The following PAPSS1 variants were observed in gnomAD, a reference collection of about 807,000 sequenced individuals.
PAPSS1 encodes the protein 3'-phosphoadenosine 5'-phosphosulfate synthase 1, also known as bifunctional 3'-phosphoadenosine 5'-phosphosulfate synthase 1.
PAPSS1 carries 50 observed loss-of-function variants against 72.0 expected under a neutral mutation model. The observed-to-expected ratio is 0.69, with a 90% CI of 0.55 to 0.88. The LOEUF (loss-of-function observed/expected upper bound fraction) is 0.88. Among genes scored for constraint, PAPSS1 ranks in the 40% least tolerant of loss-of-function variants. The pLI is 0.00. For missense variants in PAPSS1, 657 were observed against 782.2 expected (o/e 0.84, Z 1.91); for synonymous variants, 261 against 263.6 (o/e 0.99, Z 0.09).
chr4:107,686,575 T>A (rs568512833), intron 4 of PAPSS1, among the ~76,000 whole-genome samples: 1 of 152,290 alleles, frequency 6.6e-6, no homozygotes, highest in South Asian at 2.1e-4. Context: ...TCAATCTAAT[T>A]CAACAATAGT....
At chr4:107,697,457 G>C (rs1723098029) in intron 2 of PAPSS1, among the ~76,000 whole-genome samples, 1 of 152,072 alleles carries the variant, frequency 6.6e-6, no homozygotes, top group African/African-American at 2.4e-5. Context: ...ACCACCAATT[G>C]AGCATCAAGT....
chr4:107,679,765 A>ACC (rs139564079), intron 5 of PAPSS1, among the ~76,000 whole-genome samples: 3 of 150,202 alleles, frequency 2.0e-5, no homozygotes, highest in African/African-American at 7.4e-5. Context: ...TGCAACTTCC[A>ACC]CCCCCCCAGA....
At chr4:107,707,851 T>C (rs999981963) in intron 1 of PAPSS1, among the ~76,000 whole-genome samples, 1 of 152,216 alleles carries the variant, frequency 6.6e-6, no homozygotes. Context: ...CCTCCACCAA[T>C]ACACAGATTT....
rs752198087 is a variant in PAPSS1, at chr4:107,693,783, T to C, written c.399A>G (p.Ser133=). The C allele has an allele frequency of 6.2e-6, 10 of 1,612,088 alleles. No homozygotes were observed. The highest frequency in any genetic ancestry group is 7.6e-6 in the Non-Finnish European group (9 of 1,178,378). Residue 133 remains serine (S), a synonymous_variant, in exon 3 of 12, where the codon TCA becomes TCG. Transcript: ENST00000265174. ...AAAAACCACATACCTGAGTGTAAGG[T>C]GATATGAAACTTGTGATGCACACTA... ...AGLVCITSFI[S]PYTQDRNNAR...
intron 4 of PAPSS1, among the ~76,000 whole-genome samples, chr4:107,682,622 T>G (rs187227760): frequency 5.1e-4 from 78 of 152,342 alleles, no homozygotes; most frequent in African/African-American, 1.7e-3. Context: ...TTTTCTTTCT[T>G]TTTTGTCTTA....
chr4:107,667,837 C>T (rs1348849882), intron 5 of PAPSS1, among the ~76,000 whole-genome samples: 1 of 152,194 alleles, frequency 6.6e-6, no homozygotes, highest in African/African-American at 2.4e-5. Context: ...TCTTATTGCA[C>T]TTACATAGAA....
chr4:107,670,955 T>C (rs1234304913), intron 5 of PAPSS1, among the ~76,000 whole-genome samples: 2 of 152,210 alleles, frequency 1.3e-5, no homozygotes, highest in Non-Finnish European at 2.9e-5. Context: ...GTGAATATTA[T>C]AGGACAGACT....
In PAPSS1 at chr4:107,656,682, C is replaced by A. The variant is rs551292541; in HGVS notation, c.895+214G>T. On this transcript the variant is annotated intron_variant, in intron 7 of 11. Coordinates refer to ENST00000265174, the MANE Select transcript of PAPSS1 (RefSeq NM_005443.5). ...GCCCTGATTCCCAGATTTTCCCTCT[C>A]TCTTTGCAATAAATAAGAGTCAGGA... Among the ~76,000 whole-genome samples, 164 of 152,264 alleles carry A rather than the reference C, an allele frequency of 1.1e-3. 2 individuals are homozygous for A. The highest frequency in any genetic ancestry group is 3.1e-3 in the Admixed American group (47 of 15,284).
At chr4:107,616,677 C>T (rs564544389) in intron 11 of PAPSS1, among the ~76,000 whole-genome samples, 98 of 152,228 alleles carry the variant, frequency 6.4e-4, no homozygotes, top group Non-Finnish European at 1.0e-3. Flanking sequence ...ATTTGTGCTA[C>T]TACTTTGTTT....
At chr4:107,693,640 C>A in intron 3 of PAPSS1, 131 bp downstream of exon 3, 1 of 644,262 alleles carries the variant, frequency 1.6e-6, no homozygotes, top group Non-Finnish European at 2.8e-6. Flanking sequence ...GTTACAGGAA[C>A]AAAGAGATGG....
At chr4:107,659,141 C>T (rs1727098678) in intron 6 of PAPSS1, among the ~76,000 whole-genome samples, 1 of 152,184 alleles carries the variant, frequency 6.6e-6, no homozygotes, top group African/African-American at 2.4e-5. Flanking sequence ...CTGTAGTTCT[C>T]CCTTCTTGTC....
At chr4:107,666,578 C>T (rs1034177044) in intron 5 of PAPSS1, among the ~76,000 whole-genome samples, 6 of 152,078 alleles carry the variant, frequency 3.9e-5, no homozygotes, top group Non-Finnish European at 8.8e-5. Flanking sequence ...TGTAAAGTAC[C>T]CATGGTAACC....
chr4:107,709,833 A>T (rs1201541618), intron 1 of PAPSS1, among the ~76,000 whole-genome samples: 1 of 152,140 alleles, frequency 6.6e-6, no homozygotes, highest in Non-Finnish European at 1.5e-5. Flanking sequence ...TGGCCTCTAA[A>T]TTTTGAGGAA....
At position 107,654,152 on chromosome 4, in the gene PAPSS1, G is replaced by A. The variant is rs143035229; in HGVS notation, c.1102-526C>T. ...CAGCTCCAGCCCTCCTTTTCCCCAT[G>A]AGGCTTTGGCTTATGTGCCAACAAT... On this transcript the variant is annotated intron_variant, in intron 8 of 11. Transcript: ENST00000265174. Among the ~76,000 whole-genome samples, 676 of 152,248 alleles carry A rather than the reference G, an allele frequency of 4.4e-3. 4 individuals are homozygous for A. The highest frequency in any genetic ancestry group is 7.5e-3 in the Non-Finnish European group (507 of 68,016).
chr4:107,701,956 A>T (rs1468432957), intron 1 of PAPSS1, among the ~76,000 whole-genome samples: 1 of 144,124 alleles, frequency 6.9e-6, no homozygotes, highest in Non-Finnish European at 1.5e-5. Context: ...TTATAACTTC[A>T]TGTTCTCCCA....
rs1311000811 is a variant in PAPSS1 at position 107,654,746 on chromosome 4, C to G, written c.1050G>C (p.Glu350Asp). 1 of 1,613,828 alleles carries G rather than the reference C, an allele frequency of 6.2e-7. No individual in the cohort carries two copies. Among genetic ancestry groups the G allele is most frequent in the Admixed American group, 1.7e-5 (1 of 60,020 alleles). Residue 350 changes from glutamate to aspartate, a missense_variant, in exon 8 of 12, where the codon GAG becomes GAC. Glu to Asp is a conservative substitution (Grantham distance 45). Transcript: ENST00000265174. The stretch of plus-strand genomic sequence containing the variant: ...TCGTTCCCCACTGTCTGGCACAGCG[C>G]TCCTCTTTCCTGTGCTCAAAAAACT... ...NPEFFEHRKE[E>D]RCARQWGTTC... is the part of the protein sequence containing the mutation.
At position 107,644,815 on chromosome 4, in the gene PAPSS1, G is replaced by T; in HGVS notation, c.1493C>A (p.Ala498Asp). The T allele has an allele frequency of 6.2e-7, 1 of 1,612,044 alleles. No individual in the cohort carries two copies. Among genetic ancestry groups the T allele is most frequent in the Non-Finnish European group, 8.5e-7 (1 of 1,179,452 alleles). The change falls in exon 10 of 12, where the codon GCT (alanine) becomes GAT (aspartate). Residue 498 changes from alanine (A) to aspartate (D), a missense_variant. Ala to Asp is a moderately radical substitution (Grantham distance 126). Around this residue, in one of 7 missense-constraint regions of PAPSS1, gnomAD observed 166 missense variants for 228.3 expected, o/e 0.73. Coordinates refer to ENST00000265174, the MANE Select transcript of PAPSS1 (RefSeq NM_005443.5). ...VAIFPSPMMY[A>D]GPTEVQWHCR... ...CAAGCAGTCTACCTCAGTTGGTCCA[G>T]CATACATCATGGGAGATGGGAAGAT...
In PAPSS1 at chr4:107,644,840, T is replaced by C. The variant is rs1293891635; in HGVS notation, c.1468A>G (p.Ile490Val). The change falls in exon 10 of 12, where the codon ATC becomes GTC. Residue 490 changes from isoleucine to valine, a missense_variant. By Grantham distance (29) the Ile-to-Val change is conservative. Around this residue, in one of 7 missense-constraint regions of PAPSS1, gnomAD observed 166 missense variants for 228.3 expected, o/e 0.73. Transcript: ENST00000265174. ...GCATACATCATGGGAGATGGGAAGA[T>C]GGCCACCACTGTCGTCTCAGGATTC... ...VLNPETTVVA[I>V]FPSPMMYAGP... The C allele has an allele frequency of 6.2e-7, 1 of 1,613,680 alleles. No individual in the cohort carries two copies. Among genetic ancestry groups the C allele is most frequent in the South Asian group, 1.1e-5 (1 of 91,058 alleles).
chr4:107,644,179 G>A (rs1050497414), intron 10 of PAPSS1, among the ~76,000 whole-genome samples: 2 of 152,162 alleles, frequency 1.3e-5, no homozygotes, highest in Non-Finnish European at 2.9e-5. Flanking sequence ...ATATTGACAC[G>A]GTTCAGGACA....
Sources: gnomAD v4.1 joint callset for allele counts (sites outside exome capture counted in the v4.1 genomes callset) on GRCh38, gnomAD v4.1.1 for gene constraint, gnomAD v4.1.1 regional missense constraint, MANE v1.5 for transcripts, NCBI Gene and HGNC (gene_info 2026-07-23, HGNC 2026-07-21) for gene names.